Variants in ERC2 observed in about 807,000 individuals in gnomAD.
The protein encoded by ERC2 is ERC protein 2.
ERC2 carries 42 observed loss-of-function variants against 114.8 expected under a neutral mutation model. The ratio of observed to expected loss-of-function variants is 0.37; its 90% CI spans 0.29 to 0.47. The LOEUF (loss-of-function observed/expected upper bound fraction) is 0.47. Ranked by LOEUF, ERC2 falls within the 20% of genes least tolerant of loss-of-function variation. The pLI is 0.99. For synonymous variants in ERC2, 454 were observed against 425.5 expected (o/e 1.07, Z -0.82); for missense variants, 939 against 1,150.7 (o/e 0.82, Z 2.66).
intron 11 of ERC2, among the ~76,000 whole-genome samples, chr3:55,989,253 C>CT (rs1485343652): frequency 6.6e-6 from 1 of 152,240 alleles, no homozygotes; most frequent in African/African-American, 2.4e-5. Context: ...AAAATCACTG[C>CT]TGCTTTAATG....
intron 3 of ERC2, among the ~76,000 whole-genome samples, chr3:56,199,915 C>G (rs2048314868): frequency 6.6e-6 from 1 of 151,934 alleles, no homozygotes; most frequent in African/African-American, 2.4e-5. Flanking sequence ...TGATGGTGAT[C>G]TATACAAGAG....
rs201333569 is a variant in ERC2, at chr3:55,626,539, T to C, written c.*39+57255A>G. ...TTAGCATTACAGCATAAATGAGTTT[T>C]ACTAGCCAGGTCTGCTTATTTACTG... On this transcript the variant is annotated intron_variant, in intron 17 of 17. Transcript: ENST00000288221. Among the ~76,000 whole-genome samples the C allele has an allele frequency of 1.2e-4, 18 of 152,272 alleles. No individual in the cohort carries two copies. In the East Asian group the frequency reaches 3.5e-3, roughly 29 times the overall value.
chr3:56,329,164 T>A (rs1184067903), intron 2 of ERC2, among the ~76,000 whole-genome samples: 2 of 152,230 alleles, frequency 1.3e-5, no homozygotes, highest in East Asian at 1.9e-4. Context: ...CAACATGGGA[T>A]GTATACTTCA....
chr3:55,716,029 T>C (rs1389678172), intron 15 of ERC2, among the ~76,000 whole-genome samples: 1 of 152,224 alleles, frequency 6.6e-6, no homozygotes, highest in East Asian at 1.9e-4. Context: ...CAAGCTTTCA[T>C]GAGCAGAATG....
chr3:56,048,326 C>T (rs1397527090), intron 7 of ERC2, among the ~76,000 whole-genome samples: 1 of 152,194 alleles, frequency 6.6e-6, no homozygotes, highest in Non-Finnish European at 1.5e-5. Flanking sequence ...ACAATGATCC[C>T]TATTTTACAG....
intron 17 of ERC2, among the ~76,000 whole-genome samples, chr3:55,583,342 TCTGCCTGCCTGCCTGCCTGC>T (rs560504811): frequency 1.3e-5 from 2 of 148,930 alleles, no homozygotes; most frequent in African/African-American, 5.1e-5. Context: ...TGCCTGCCTG[TCTGCCTGCCTGCCTGCCTGC>T]CTGCCTGCCT....
In ERC2 at chr3:56,019,045, T is replaced by C. The variant is rs762609598; in HGVS notation, c.1642-14A>G. The C allele has an allele frequency of 1.8e-5, 28 of 1,590,620 alleles. No homozygotes were observed. The highest frequency in any genetic ancestry group is 2.0e-5 in the Non-Finnish European group (23 of 1,167,322). The stretch of plus-strand genomic sequence containing the variant: ...CAAGTTTTCAATCTAAAAATAAAAA[T>C]CAATATTTTAATGCATATTTGATTA... On this transcript the variant is annotated splice_polypyrimidine_tract_variant and intron_variant, in intron 7 of 17. Coordinates refer to ENST00000288221, the MANE Select transcript of ERC2 (RefSeq NM_015576.3).
At chr3:56,132,936 A>C (rs2080292314) in intron 6 of ERC2, among the ~76,000 whole-genome samples, 1 of 152,200 alleles carries the variant, frequency 6.6e-6, no homozygotes, top group African/African-American at 2.4e-5. Flanking sequence ...TACCCTCCCT[A>C]GAGTTTGGGC....
chr3:56,083,501 C>A (rs2077347482), intron 6 of ERC2, among the ~76,000 whole-genome samples: 1 of 152,044 alleles, frequency 6.6e-6, no homozygotes, highest in Admixed American at 6.6e-5. Flanking sequence ...ATTGTCAAAA[C>A]TCATTGAACT....
intron 6 of ERC2, among the ~76,000 whole-genome samples, chr3:56,116,929 A>G (rs2079271836): frequency 6.6e-6 from 1 of 152,194 alleles, no homozygotes; most frequent in African/African-American, 2.4e-5. Flanking sequence ...GGCAGGCATT[A>G]TGCTAAATTT....
intron 3 of ERC2, among the ~76,000 whole-genome samples, chr3:56,281,113 C>A (rs114894554): frequency 6.6e-6 from 1 of 152,126 alleles, no homozygotes. Context: ...CTAAATGTAT[C>A]GAATACTTCA....
At position 55,664,876 on chromosome 3, in the gene ERC2, CAT is replaced by C. The variant is rs535823163; in HGVS notation, c.*39+18916_*39+18917del. 1.2e-3 allele frequency among the ~76,000 whole-genome samples: 177 copies of C among 152,284 alleles called. 1 individual carries two copies. The highest frequency in any genetic ancestry group is 4.1e-3 in the African/African-American group (170 of 41,562). ...TTTGAAAACTTTAGCAGTAGGTCTG[CAT>C]TTGATGGAGAGAGGCAAGCAGTGAT... On this transcript the variant is annotated intron_variant, in intron 17 of 17. Coordinates refer to ENST00000288221, the MANE Select transcript of ERC2 (RefSeq NM_015576.3).
intron 2 of ERC2, among the ~76,000 whole-genome samples, chr3:56,374,735 G>T (rs2059477638): frequency 6.6e-6 from 1 of 152,168 alleles, no homozygotes. Context: ...AGGCAGGAAA[G>T]AAGAGTAAAA....
At chr3:56,003,513 G>T (rs983293509) in intron 10 of ERC2, among the ~76,000 whole-genome samples, 6 of 152,116 alleles carry the variant, frequency 3.9e-5, no homozygotes, top group Non-Finnish European at 8.8e-5. Context: ...GAACTTCAAA[G>T]ATGGTAATAA....
chr3:55,703,380 A>G (rs748568224), intron 15 of ERC2, among the ~76,000 whole-genome samples: 16 of 151,672 alleles, frequency 1.1e-4, no homozygotes, highest in Non-Finnish European at 2.4e-4. Flanking sequence ...TACCCCTTAA[A>G]CCTGAGTTAT....
intron 14 of ERC2, among the ~76,000 whole-genome samples, chr3:55,808,833 A>G (rs2059605366): frequency 1.3e-5 from 2 of 148,668 alleles, no homozygotes; most frequent in Non-Finnish European, 3.0e-5. Context: ...CTATATTGAA[A>G]AGATCCAGAG....
intron 3 of ERC2, among the ~76,000 whole-genome samples, chr3:56,207,207 G>A (rs1575827683): frequency 6.6e-6 from 1 of 151,772 alleles, no homozygotes; most frequent in Non-Finnish European, 1.5e-5. Flanking sequence ...ATAATATTAT[G>A]TCTATTTCAA....
intron 7 of ERC2, among the ~76,000 whole-genome samples, chr3:56,070,271 C>T (rs545921617): frequency 6.6e-6 from 1 of 152,138 alleles, no homozygotes; most frequent in Non-Finnish European, 1.5e-5. Context: ...ACAGAATCAT[C>T]TGCAGACTGA....
chr3:55,969,392 T>TACACACACACACACACAC (rs10555030), intron 12 of ERC2, among the ~76,000 whole-genome samples: 3 of 140,604 alleles, frequency 2.1e-5, no homozygotes, highest in African/African-American at 8.1e-5. Flanking sequence ...TTTATACACA[T>TACACACACACACACACAC]ACACACACAC....
Sources: gnomAD v4.1 joint callset for allele counts (sites outside exome capture counted in the v4.1 genomes callset) on GRCh38, gnomAD v4.1.1 for gene constraint, MANE v1.5 for transcripts, NCBI Gene and HGNC (gene_info 2026-07-23, HGNC 2026-07-21) for gene names.